FAM228A: variants seen among roughly 807,000 people sequenced by gnomAD.
FAM228A encodes family with sequence similarity 228 member A.
A neutral mutation model predicts 18.6 loss-of-function variants in FAM228A; 13 were observed. That is an observed-to-expected ratio of 0.70 (90% CI 0.45 to 1.11). The LOEUF (loss-of-function observed/expected upper bound fraction) is 1.11, where lower values mean the gene tolerates loss of function less well. Ranked by LOEUF, FAM228A falls within the 50% of genes least tolerant of loss-of-function variation. FAM228A has a pLI of 0.00. For missense variants in FAM228A, 240 were observed against 242.2 expected, an observed-to-expected ratio of 0.99 and a Z score of 0.06; for synonymous variants, 77 against 86.6, an observed-to-expected ratio of 0.89 and a Z score of 0.61.
In FAM228A at chr2:24,191,172, C is replaced by T; in HGVS notation, c.*541C>T. The T allele has an allele frequency of 1.0e-6, 1 of 985,652 alleles. No homozygotes were observed. Among genetic ancestry groups the T allele is most frequent in the African/African-American group, 1.7e-5 (1 of 57,368 alleles). The allele number at this position is 985,652 out of a possible 1,614,324, so 61.1% of individuals were successfully genotyped here. A position where few individuals can be genotyped will look rare whatever the true frequency, so the allele number is the denominator to read the frequency against. ...ACAGTTTTCAGCTCCTGGTCTATTT[C>T]CCCTTCCATTCTCTCCGCCACGCCC... On this transcript the variant is annotated 3_prime_UTR_variant, in exon 6 of 6. Coordinates refer to ENST00000295150, the MANE Select transcript of FAM228A (RefSeq NM_001040710.3).
chr2:24,188,478 T>A, intron 5 of FAM228A: 1 of 985,400 alleles, frequency 1.0e-6, no homozygotes, highest in Non-Finnish European at 1.2e-6. Context: ...AGAGTTTCTG[T>A]CCTCCATTGA....
intron 5 of FAM228A, among the ~76,000 whole-genome samples, chr2:24,190,043 T>C (rs1021101483): frequency 4.6e-5 from 7 of 152,210 alleles, no homozygotes; most frequent in Admixed American, 3.3e-4. Context: ...TCTTTGCACA[T>C]GGGCTTTCTG....
chr2:24,183,454 T>A, intron 4 of FAM228A, 41 bp from the exon 5 acceptor site: 1 of 1,609,588 alleles, frequency 6.2e-7, no homozygotes, highest in Non-Finnish European at 8.5e-7. Flanking sequence ...GCAACTGGAG[T>A]TCTTGAAGAG....
At chr2:24,177,733 C>T in intron 2 of FAM228A, 69 bp from the exon 3 acceptor site, 1 of 870,228 alleles carries the variant, frequency 1.1e-6, no homozygotes, top group Middle Eastern at 2.4e-4. Context: ...TGGTAAAGTA[C>T]ACTGAGTTTT....
chr2:24,188,368 A>G (rs2151048809), intron 5 of FAM228A: 1 of 901,740 alleles, frequency 1.1e-6, no homozygotes, highest in Non-Finnish European at 1.3e-6. Flanking sequence ...CCCAGCATGC[A>G]TTAGCTATTT....
Position 24,175,926 on chromosome 2 carries a change from T to G in FAM228A, c.93+353T>G, listed in dbSNP as rs919828702. 4.0e-5 allele frequency: 42 copies of G among 1,044,094 alleles called. No individual in the cohort carries two copies. In the African/African-American group the frequency reaches 7.0e-4, roughly 17 times the overall value. The allele number at this position is 1,044,094 out of a possible 1,614,324, so 64.7% of individuals were successfully genotyped here. ...TCATTATTTTGTGTCATCCTATGAT[T>G]TGCCTCGCTGTGAAAAACTCTTGGA... On this transcript the variant is annotated intron_variant, in intron 2 of 5. Transcript: ENST00000295150.
intron 3 of FAM228A, among the ~76,000 whole-genome samples, chr2:24,179,713 T>C (rs1667771499): frequency 6.6e-6 from 1 of 152,212 alleles, no homozygotes; most frequent in African/African-American, 2.4e-5. Flanking sequence ...AGGTCTTCAT[T>C]CAGGGCAGGA....
chr2:24,177,044 T>C (rs1006711428), intron 2 of FAM228A, among the ~76,000 whole-genome samples: 2 of 152,238 alleles, frequency 1.3e-5, no homozygotes, highest in Non-Finnish European at 2.9e-5. Flanking sequence ...TCTCACTAAT[T>C]AGCTCTGAGA....
chr2:24,186,525 T>C (rs924852960), intron 5 of FAM228A, among the ~76,000 whole-genome samples: 6 of 152,180 alleles, frequency 3.9e-5, no homozygotes, highest in Non-Finnish European at 2.9e-5. Context: ...AGGAAGTTCA[T>C]TTTCTTAGTT....
intron 2 of FAM228A, chr2:24,176,236 C>T (rs1321038777): frequency 1.0e-6 from 1 of 974,248 alleles, no homozygotes; most frequent in Admixed American, 6.2e-5. Flanking sequence ...TCCCAAGATG[C>T]TTGTCAATAT....
Position 24,175,551 on chromosome 2 carries a change from C to T in FAM228A, c.71C>T (p.Pro24Leu). ...GAAAAGTTAAGAGAATGGCCGGAGC[C>T]CGAGTCCGTTTCTTTAATGGAGGTG... Reference protein sequence around the residue: ...RPEKLREWPEPESVSLMEVLA... With the variant: ...RPEKLREWPELESVSLMEVLA... Residue 24 changes from proline (P) to leucine (L), a missense_variant, in exon 2 of 6, where the codon CCC becomes CTC. Pro to Leu is a moderately conservative substitution (Grantham distance 98). Coordinates refer to ENST00000295150, the MANE Select transcript of FAM228A (RefSeq NM_001040710.3). 2 of 1,614,050 alleles carry T rather than the reference C, an allele frequency of 1.2e-6. No individual in the cohort carries two copies. The highest frequency in any genetic ancestry group is 1.7e-6 in the Non-Finnish European group (2 of 1,179,878).
At chr2:24,184,241 A>G (rs1667888760) in intron 5 of FAM228A, among the ~76,000 whole-genome samples, 1 of 152,122 alleles carries the variant, frequency 6.6e-6, no homozygotes, top group South Asian at 2.1e-4. Flanking sequence ...TTAGCTGGGC[A>G]TCATGGCAGA....
At chr2:24,178,830 A>C (rs1047085091) in intron 3 of FAM228A, among the ~76,000 whole-genome samples, 4 of 152,238 alleles carry the variant, frequency 2.6e-5, no homozygotes, top group African/African-American at 9.6e-5. Context: ...CAAGAGTTTC[A>C]TGAGTTAGGA....
At chr2:24,189,016 CATTTTT>C (rs1291182593) in intron 5 of FAM228A, among the ~76,000 whole-genome samples, 1 of 152,178 alleles carries the variant, frequency 6.6e-6, no homozygotes, top group Non-Finnish European at 1.5e-5. Flanking sequence ...TTTTAACAAA[CATTTTT>C]ATTTAAACAC....
At chr2:24,186,356 C>T (rs896887675) in intron 5 of FAM228A, among the ~76,000 whole-genome samples, 3 of 152,074 alleles carry the variant, frequency 2.0e-5, no homozygotes, top group South Asian at 4.1e-4. Flanking sequence ...TTCCTTATAC[C>T]TTTTATTTCT....
At chr2:24,188,991 A>G (rs1668018552) in intron 5 of FAM228A, among the ~76,000 whole-genome samples, 1 of 152,080 alleles carries the variant, frequency 6.6e-6, no homozygotes, top group South Asian at 2.1e-4. Flanking sequence ...TTCTGGTTTT[A>G]TGGTTCCTTT....
chr2:24,178,994 C>T (rs957339981), intron 3 of FAM228A: 1 of 229,266 alleles, frequency 4.4e-6, no homozygotes, highest in Non-Finnish European at 8.5e-6. Context: ...ACTTTGCAAC[C>T]CGAATGTGGC....
chr2:24,177,530 A>G (rs7587901), intron 2 of FAM228A, among the ~76,000 whole-genome samples: 160 of 113,042 alleles, frequency 1.4e-3, no homozygotes, highest in African/African-American at 4.3e-3. Context: ...ATTTAATAAT[A>G]TGCTATCAGG....
At chr2:24,180,108 T>G (rs1265534578) in intron 3 of FAM228A, among the ~76,000 whole-genome samples, 1 of 151,998 alleles carries the variant, frequency 6.6e-6, no homozygotes, top group Middle Eastern at 3.2e-3. Context: ...ACAAATCTGT[T>G]AGCTTTAGGT....
Sources: allele counts gnomAD v4.1 joint callset (sites outside exome capture counted in the v4.1 genomes callset), GRCh38; gene constraint gnomAD v4.1.1; transcripts MANE v1.5; gene names NCBI Gene and HGNC (gene_info 2026-07-23, HGNC 2026-07-21).